Variants in DHX57 observed in about 807,000 individuals in gnomAD.
DHX57 encodes DExH-box helicase 57.
Under a neutral mutation model 156.2 loss-of-function variants are expected in DHX57, and 105 were observed. The observed-to-expected ratio is 0.67, with a 90% confidence interval of 0.57 to 0.79. The LOEUF (loss-of-function observed/expected upper bound fraction) is 0.79. DHX57 is among the 30% of genes least tolerant of loss of function. The pLI is 0.00. For synonymous variants in DHX57, 704 were observed against 595.6 expected (o/e 1.18, Z -2.65); for missense variants, 1,847 against 1,661.9 (o/e 1.11, Z -1.94).
chr2:38,819,892 A>G (rs1291726057), intron 17 of DHX57, among the ~76,000 whole-genome samples: 7 of 152,236 alleles, frequency 4.6e-5, no homozygotes, highest in African/African-American at 1.7e-4. Context: ...TTTATTACAA[A>G]TGTTTACAAG....
chr2:38,806,484 G>T, intron 22 of DHX57, 75 bp downstream of exon 22: 2 of 1,533,074 alleles, frequency 1.3e-6, no homozygotes, highest in South Asian at 1.2e-5. Context: ...AGAACATGGT[G>T]TGGCTGAATT....
rs1482684762 is a variant in DHX57, at chr2:38,802,698, A to G, written c.4017+17T>C. On this transcript the variant is annotated intron_variant, in intron 23 of 23. Transcript: ENST00000457308. ...TCATGGCCTGAGCCTCATAAAACAG[A>G]CCAATTCTGCCTTTACCTGATGGGA... is the stretch of plus-strand genomic sequence containing the variant. The G allele has an allele frequency of 5.0e-6, 8 of 1,613,528 alleles. No homozygotes were observed. Among genetic ancestry groups the G allele is most frequent in the Non-Finnish European group, 5.9e-6 (7 of 1,179,952 alleles).
At chr2:38,854,760 C>G in intron 8 of DHX57, 1 of 249,412 alleles carries the variant, frequency 4.0e-6, no homozygotes, top group South Asian at 5.1e-5. Flanking sequence ...TGGGGTTTCT[C>G]CATGTTGGTC....
chr2:38,861,721 A>G lies in DHX57; in HGVS notation c.689T>C (p.Met230Thr), dbSNP rs372080425. The G allele has an allele frequency of 1.2e-5, 20 of 1,614,036 alleles. No individual in the cohort carries two copies. In the African/African-American group the frequency reaches 2.3e-4, roughly 18 times the overall value. The change falls in exon 5 of 24, where the codon ATG becomes ACG. Residue 230 changes from methionine (M) to threonine (T), a missense_variant. By Grantham distance (81) the Met-to-Thr change is moderately conservative. Transcript: ENST00000457308. ...CTGGTTGACTGCCTCAGAGATCTTC[A>G]TCCTCTCTCCAAATGTCTCTGAAAA... ...QCFSETFGER[M>T]KISEAVNQIS... is the part of the protein sequence containing the mutation.
chr2:38,812,803 G>C (rs1016172470), intron 21 of DHX57, among the ~76,000 whole-genome samples: 1 of 152,140 alleles, frequency 6.6e-6, no homozygotes, highest in Non-Finnish European at 1.5e-5. Context: ...AAAGTGCTTG[G>C]ATTACAGGCG....
chr2:38,827,415 G>A lies in DHX57; in HGVS notation c.2640-726C>T, dbSNP rs1055806730. Among the ~76,000 whole-genome samples the A allele has an allele frequency of 5.5e-5, 8 of 145,084 alleles. No individual in the cohort carries two copies. In the East Asian group the frequency reaches 1.4e-3, roughly 26 times the overall value. The stretch of plus-strand genomic sequence containing the variant: ...GCAGAAGAATCACTTGAACCTGGGA[G>A]GCGGAGGTTGCAGTGAGCCGAGATC... On this transcript the variant is annotated intron_variant, in intron 14 of 23. Transcript: ENST00000457308.
chr2:38,819,238 G>A (rs528257752), intron 17 of DHX57, 94 bp from the exon 18 acceptor site: 28 of 1,138,056 alleles, frequency 2.5e-5, no homozygotes, highest in Middle Eastern at 2.9e-4. Flanking sequence ...GCAGTGGTGC[G>A]ATCATAGCCC....
intron 21 of DHX57, chr2:38,810,355 C>G: frequency 2.2e-6 from 1 of 456,122 alleles, no homozygotes; most frequent in Admixed American, 2.3e-5. Context: ...GTCACAATTA[C>G]AAATTATCAC....
intron 16 of DHX57, among the ~76,000 whole-genome samples, chr2:38,825,418 T>G (rs930017277): frequency 6.6e-6 from 1 of 152,182 alleles, no homozygotes; most frequent in Non-Finnish European, 1.5e-5. Context: ...TTCTCCTTCC[T>G]CAGCCTCCCA....
At chr2:38,832,314 C>A (rs1671421651) in intron 13 of DHX57, among the ~76,000 whole-genome samples, 1 of 151,832 alleles carries the variant, frequency 6.6e-6, no homozygotes, top group African/African-American at 2.4e-5. Flanking sequence ...GTGGCACATG[C>A]CTGTAGTCCC....
chr2:38,801,222 C>G (rs1669661938), intron 23 of DHX57, among the ~76,000 whole-genome samples: 1 of 152,102 alleles, frequency 6.6e-6, no homozygotes, highest in African/African-American at 2.4e-5. Context: ...CTAACAGATG[C>G]AGATATTAAA....
intron 23 of DHX57, among the ~76,000 whole-genome samples, chr2:38,802,448 C>T (rs1235870776): frequency 6.6e-6 from 1 of 152,072 alleles, no homozygotes; most frequent in East Asian, 1.9e-4. Flanking sequence ...CCAACATGCC[C>T]AGCTAATTTT....
chr2:38,809,639 AT>A, intron 21 of DHX57, among the ~76,000 whole-genome samples: 1 of 150,678 alleles, frequency 6.6e-6, no homozygotes, highest in Middle Eastern at 3.4e-3. Flanking sequence ...TTTTTTTTGT[AT>A]TTTTAGTAGA....
In DHX57 at chr2:38,854,879, AAAATATTTCT is replaced by A. The variant is rs533073771; in HGVS notation, c.1905+168_1905+177del. The stretch of plus-strand genomic sequence containing the variant: ...GCCTGGCCATAAGAGTTCTTATACC[AAAATATTTCT>A]AAATATTTCTAAATATTTAAATAAA... On this transcript the variant is annotated intron_variant, in intron 8 of 23. Coordinates refer to ENST00000457308, the MANE Select transcript of DHX57 (RefSeq NM_198963.3). 281 of 647,998 alleles carry A rather than the reference AAAATATTTCT, an allele frequency of 4.3e-4. 2 individuals carry two copies. The East Asian group carries it at 8.3e-3, about 19-fold the overall frequency. The allele number at this position is 647,998 out of a possible 1,614,324, so 40.1% of individuals were successfully genotyped here.
intron 21 of DHX57, among the ~76,000 whole-genome samples, chr2:38,809,640 T>C (rs1670138634): frequency 6.6e-6 from 1 of 151,666 alleles, no homozygotes; most frequent in East Asian, 1.9e-4. Context: ...TTTTTTTGTA[T>C]TTTTAGTAGA....
chr2:38,854,895 T>C, intron 8 of DHX57, 162 bp downstream of exon 8: 1 of 710,744 alleles, frequency 1.4e-6, no homozygotes, highest in East Asian at 2.9e-5. Flanking sequence ...TTTCTAAATA[T>C]TTCTAAATAT....
Position 38,823,162 on chromosome 2 carries a change from C to G in DHX57, c.3122G>C (p.Arg1041Pro), listed in dbSNP as rs776033435. The G allele has an allele frequency of 3.1e-6, 5 of 1,614,076 alleles. No homozygotes were observed. The change falls in exon 17 of 24, where the codon CGA (arginine) becomes CCA (proline). Residue 1041 changes from arginine (R) to proline (P), a missense_variant. By Grantham distance (103) the Arg-to-Pro change is moderately radical. Transcript: ENST00000457308. ...ATCTGGAGTTAATGCTCCTAAGTCT[C>G]GTAATCGTATTTTTGAGGCACGAAG... ...DSLRASKIRL[R>P]DLGALTPDER...
intron 21 of DHX57, among the ~76,000 whole-genome samples, chr2:38,807,955 T>C (rs1218522631): frequency 8.6e-6 from 1 of 116,306 alleles, no homozygotes; most frequent in Non-Finnish European, 1.8e-5. Context: ...CTTTTTTTTT[T>C]TTTTTTTTTT....
chr2:38,820,943 G>C (rs373827469), intron 17 of DHX57, among the ~76,000 whole-genome samples: 3 of 148,994 alleles, frequency 2.0e-5, no homozygotes, highest in African/African-American at 7.4e-5. Context: ...TCAAGTATAC[G>C]TGGAACACCC....
Sources: allele counts gnomAD v4.1 joint callset (sites outside exome capture counted in the v4.1 genomes callset), GRCh38; gene constraint gnomAD v4.1.1; transcripts MANE v1.5; gene names NCBI Gene and HGNC (gene_info 2026-07-23, HGNC 2026-07-21).